NELL2: variants seen among roughly 807,000 people sequenced by gnomAD.
The protein encoded by NELL2 is neural EGFL like 2.
In NELL2, 41 loss-of-function variants were observed where a neutral mutation model predicts 109.6. The observed-to-expected ratio is 0.37, with a 90% CI of 0.29 to 0.49. The LOEUF (loss-of-function observed/expected upper bound fraction) is 0.49, where lower values mean the gene tolerates loss of function less well. Among genes scored for constraint, NELL2 ranks in the 20% least tolerant of loss-of-function variants. The pLI is 0.98. For synonymous variants in NELL2, 355 were observed against 344.7 expected (o/e 1.03, Z -0.33); for missense variants, 900 against 1,008.3 (o/e 0.89, Z 1.45).
chr12:44,799,639 A>G (rs1942763735), intron 3 of NELL2, among the ~76,000 whole-genome samples: 2 of 152,154 alleles, frequency 1.3e-5, no homozygotes, highest in South Asian at 4.1e-4. Flanking sequence ...TCAGTATATT[A>G]GAGAGAAAAA....
intron 9 of NELL2, among the ~76,000 whole-genome samples, chr12:44,741,985 G>A: frequency 6.6e-6 from 1 of 152,182 alleles, no homozygotes; most frequent in South Asian, 2.1e-4. Context: ...CACACAGTTT[G>A]AGATCTTAGA....
rs939817984 is a variant in NELL2 at position 44,758,735 on chromosome 12, A to C, written c.994+16012T>G. Among the ~76,000 whole-genome samples, 47 of 152,184 alleles carry C rather than the reference A, an allele frequency of 3.1e-4. 1 individual carries two copies. The highest frequency in any genetic ancestry group is 1.5e-5 in the Non-Finnish European group (1 of 68,020). On this transcript the variant is annotated intron_variant, in intron 9 of 19. Transcript: ENST00000429094. The stretch of plus-strand genomic sequence containing the variant: ...TCAGCTTTCAATATAAAGCTGGGTT[A>C]GAATTTCTTCAGAAGCCTCATTCCT...
At chr12:44,632,743 T>C (rs954421087) in intron 13 of NELL2, among the ~76,000 whole-genome samples, 13 of 152,112 alleles carry the variant, frequency 8.5e-5, no homozygotes, top group African/African-American at 2.9e-4. Flanking sequence ...GAAAAACCTT[T>C]GTACATTCTT....
At chr12:44,636,211 C>G (rs564991518) in intron 13 of NELL2, among the ~76,000 whole-genome samples, 1 of 152,202 alleles carries the variant, frequency 6.6e-6, no homozygotes, top group Admixed American at 6.5e-5. Flanking sequence ...TCTACATATA[C>G]CATCATGTCA....
chr12:44,704,023 T>A (rs1179412330), intron 11 of NELL2, among the ~76,000 whole-genome samples, 169 bp from the exon 12 acceptor site: 2 of 152,126 alleles, frequency 1.3e-5, no homozygotes, highest in Non-Finnish European at 2.9e-5. Context: ...ACCAAAAACT[T>A]CTTCTTTATG....
At chr12:44,783,353 C>G (rs930485259) in intron 3 of NELL2, among the ~76,000 whole-genome samples, 8 of 150,600 alleles carry the variant, frequency 5.3e-5, no homozygotes, top group African/African-American at 1.9e-4. Flanking sequence ...AAACACAAAT[C>G]AAGTAGAAGT....
chr12:44,835,704 G>A (rs922206472), intron 2 of NELL2, among the ~76,000 whole-genome samples: 4 of 152,222 alleles, frequency 2.6e-5, no homozygotes, highest in African/African-American at 9.7e-5. Flanking sequence ...TGCTGTGACT[G>A]ATTTCAATTC....
At chr12:44,808,133 GGCAGCAGCA>G (rs1943064524) in intron 3 of NELL2, among the ~76,000 whole-genome samples, 2 of 152,160 alleles carry the variant, frequency 1.3e-5, no homozygotes, top group Admixed American at 1.3e-4. Context: ...TATGGGCTGC[GGCAGCAGCA>G]GTCAACTGAT....
intron 9 of NELL2, among the ~76,000 whole-genome samples, chr12:44,755,405 C>A (rs1224182062): frequency 6.6e-6 from 1 of 152,072 alleles, no homozygotes; most frequent in East Asian, 1.9e-4. Context: ...TAGACACTCC[C>A]CTTCATTCAC....
At chr12:44,551,297 T>C (rs1943036372) in intron 15 of NELL2, among the ~76,000 whole-genome samples, 1 of 152,192 alleles carries the variant, frequency 6.6e-6, no homozygotes, top group Admixed American at 6.5e-5. Context: ...TATCATTCGT[T>C]GTGTACCCTG....
In NELL2 at chr12:44,752,847, C is replaced by T. The variant is rs146088902; in HGVS notation, c.994+21900G>A. ...TCGATTGCCAAGTCATGTACTGCCACGGTGATGCCCCGCTCACTGCCACTG... is the reference window on the plus strand; with the variant it reads ...TCGATTGCCAAGTCATGTACTGCCATGGTGATGCCCCGCTCACTGCCACTG... On this transcript the variant is annotated intron_variant, in intron 9 of 19. Coordinates refer to ENST00000429094, the MANE Select transcript of NELL2 (RefSeq NM_001145108.2). 1.8e-3 allele frequency among the ~76,000 whole-genome samples: 267 copies of T among 152,290 alleles called. 2 individuals are homozygous for T. The highest frequency in any genetic ancestry group is 6.1e-3 in the African/African-American group (252 of 41,554).
At chr12:44,630,909 G>C (rs922538457) in intron 13 of NELL2, among the ~76,000 whole-genome samples, 7 of 152,040 alleles carry the variant, frequency 4.6e-5, no homozygotes, top group Non-Finnish European at 7.4e-5. Context: ...TCAAGAATAT[G>C]GTACTCATTC....
chr12:44,611,031 T>C (rs1391178934), intron 13 of NELL2, 61 bp from the exon 14 acceptor site: 3 of 1,551,610 alleles, frequency 1.9e-6, no homozygotes, highest in Non-Finnish European at 1.8e-6. Flanking sequence ...TATTTTAAAC[T>C]ACACCTTCAG....
intron 13 of NELL2, among the ~76,000 whole-genome samples, chr12:44,664,206 C>T (rs1367896949): frequency 6.6e-6 from 1 of 152,014 alleles, no homozygotes; most frequent in Non-Finnish European, 1.5e-5. Flanking sequence ...AACTCTTCCA[C>T]TCAATGTACT....
At chr12:44,574,394 G>T (rs1057362765) in intron 15 of NELL2, among the ~76,000 whole-genome samples, 2 of 151,902 alleles carry the variant, frequency 1.3e-5, no homozygotes, top group Non-Finnish European at 2.9e-5. Context: ...AATCTGGTGG[G>T]GTAATATGTT....
At chr12:44,876,983 G>C (rs1945347206), upstream of NELL2, 1 of 901,004 alleles carries the variant, frequency 1.1e-6, no homozygotes. Context: ...AGAGAACTTG[G>C]CCAGGAGGTG....
intron 13 of NELL2, among the ~76,000 whole-genome samples, chr12:44,615,872 A>G (rs191122415): frequency 1.7e-4 from 26 of 152,310 alleles, no homozygotes; most frequent in African/African-American, 5.1e-4. Context: ...CAAGGTAGAT[A>G]TAAGTTTTTA....
chr12:44,570,041 GAGCAGA>G (rs1943806883), intron 15 of NELL2, among the ~76,000 whole-genome samples: 2 of 152,118 alleles, frequency 1.3e-5, no homozygotes, highest in South Asian at 4.1e-4. Flanking sequence ...TCTTTTATCT[GAGCAGA>G]AGCATGATTG....
intron 2 of NELL2, among the ~76,000 whole-genome samples, chr12:44,830,836 T>A (rs1943864006): frequency 6.6e-6 from 1 of 152,000 alleles, no homozygotes; most frequent in African/African-American, 2.4e-5. Flanking sequence ...TGCACACCCA[T>A]CTGCTTGGTT....
Sources: allele counts gnomAD v4.1 joint callset (sites outside exome capture counted in the v4.1 genomes callset), GRCh38; gene constraint gnomAD v4.1.1; transcripts MANE v1.5; gene names NCBI Gene and HGNC (gene_info 2026-07-23, HGNC 2026-07-21).